The following GSPT1 variants were observed in gnomAD, a reference collection of about 807,000 sequenced individuals.
The protein encoded by GSPT1 is G1 to S phase transition 1, also known as eukaryotic peptide chain release factor GTP-binding subunit ERF3A.
A neutral mutation model predicts 72.5 loss-of-function variants in GSPT1; 20 were observed. The ratio of observed to expected loss-of-function variants is 0.28; its 90% CI spans 0.19 to 0.40. The LOEUF is 0.40. Among genes scored for constraint, GSPT1 ranks in the 10% least tolerant of loss-of-function variants. GSPT1 has a pLI of 1.00. For missense variants in GSPT1, 580 were observed against 811.9 expected, an observed-to-expected ratio of 0.71 and a Z score of 3.47; for synonymous variants, 334 against 293.5, an observed-to-expected ratio of 1.14 and a Z score of -1.41.
Position 11,915,007 on chromosome 16 carries a change from C to T in GSPT1, c.352+362G>A, listed in dbSNP as rs969165263. 8 of 1,289,514 alleles carry T rather than the reference C, an allele frequency of 6.2e-6. No individual in the cohort carries two copies. The African/African-American group carries it at 1.2e-4, about 20-fold the overall frequency. 79.9% of individuals were successfully genotyped at this position (1,289,514 alleles called of 1,614,324 possible). Reference sequence around the variant, plus strand: ...CGCCCACCCAAATGACTCCTGGCTCCATCTGTCCTCATTCTGCGCCTCGTG... The same window carrying T: ...CGCCCACCCAAATGACTCCTGGCTCTATCTGTCCTCATTCTGCGCCTCGTG... On this transcript the variant is annotated intron_variant, in intron 1 of 14. Transcript: ENST00000434724.
chr16:11,912,239 T>G (rs1430568578), intron 1 of GSPT1, among the ~76,000 whole-genome samples: 1 of 150,046 alleles, frequency 6.7e-6, no homozygotes, highest in East Asian at 2.0e-4. Flanking sequence ...TCCCAGCTAC[T>G]CGGGAGGCTG....
At chr16:11,883,405 G>T (rs945974456) in intron 10 of GSPT1, among the ~76,000 whole-genome samples, 2 of 135,386 alleles carry the variant, frequency 1.5e-5, no homozygotes, top group African/African-American at 5.6e-5. Flanking sequence ...CCTGAGGTCA[G>T]GAGTTGGAGA....
intron 6 of GSPT1, among the ~76,000 whole-genome samples, chr16:11,889,219 A>G (rs1276998770): frequency 2.0e-5 from 3 of 150,736 alleles, no homozygotes; most frequent in Non-Finnish European, 3.0e-5. Context: ...GAAGCAGGAG[A>G]ATGGTGTGAA....
At position 11,893,286 on chromosome 16, in the gene GSPT1, T is replaced by C. The variant is rs117501238; in HGVS notation, c.698+1668A>G. Among the ~76,000 whole-genome samples the C allele has an allele frequency of 1.6e-3, 243 of 152,150 alleles. 3 individuals carry two copies. In the East Asian group the frequency reaches 0.041, roughly 26 times the overall value. On this transcript the variant is annotated intron_variant, in intron 5 of 14. Transcript: ENST00000434724. ...GAGACCCTGTCTCTTAAAATAAATA[T>C]AGTTTTATTTTTATTTTTTATAGAA...
chr16:11,892,260 C>T (rs1277837670), intron 5 of GSPT1, among the ~76,000 whole-genome samples: 2 of 150,884 alleles, frequency 1.3e-5, no homozygotes, highest in Admixed American at 1.3e-4. Context: ...AGAGGATCAC[C>T]TGAGCCCAGG....
chr16:11,915,128 G>A (rs191495202), intron 1 of GSPT1: 14 of 1,107,316 alleles, frequency 1.3e-5, no homozygotes, highest in African/African-American at 1.7e-5. Flanking sequence ...GCGGAGGGGC[G>A]GCACTCGGGT....
At chr16:11,884,577 T>A (rs1167443007) in intron 10 of GSPT1, among the ~76,000 whole-genome samples, 1 of 150,110 alleles carries the variant, frequency 6.7e-6, no homozygotes, top group Non-Finnish European at 1.5e-5. Context: ...CTGGCCAACA[T>A]GGTGAAAACC....
chr16:11,913,879 C>T (rs763518198), intron 1 of GSPT1, among the ~76,000 whole-genome samples: 5 of 152,214 alleles, frequency 3.3e-5, no homozygotes, highest in South Asian at 2.1e-4. Flanking sequence ...ACCACCCACA[C>T]AAATAAATGC....
intron 1 of GSPT1, among the ~76,000 whole-genome samples, chr16:11,900,408 G>T (rs760847631): frequency 6.6e-6 from 1 of 151,788 alleles, no homozygotes; most frequent in African/African-American, 2.4e-5. Flanking sequence ...AAGGATAAAA[G>T]TACTCACAAA....
In GSPT1 at chr16:11,885,265, C is replaced by T. The variant is rs751271829; in HGVS notation, c.1263G>A (p.Pro421=). The T allele has an allele frequency of 1.1e-5, 17 of 1,519,914 alleles. No individual in the cohort carries two copies. Among genetic ancestry groups the T allele is most frequent in the East Asian group, 4.5e-5 (2 of 44,352 alleles). 94.2% of individuals were successfully genotyped at this position (1,519,914 alleles called of 1,614,324 possible). The stretch of plus-strand genomic sequence containing the variant: ...GCAAATTATCCAGATATGGAATAAA[C>T]GGTAATCCACTGAGAACATAACAAC... ...SDFCPWYIGL[P]FIPYLDNLPN... Residue 421 remains proline (P), a synonymous_variant, in exon 10 of 15, where the codon CCG becomes CCA. Coordinates refer to ENST00000434724, the MANE Select transcript of GSPT1 (RefSeq NM_002094.4).
Position 11,915,673 on chromosome 16 carries a change from C to CCGCTGCTGCTCCCG in GSPT1, c.47_48insCGGGAGCAGCAGCG (p.Ser17GlyfsTer135), listed in dbSNP as rs2054625540. ...CGCTGCTGCTGCTGCCGCTGCTGCT[C>CCGCTGCTGCTCCCG]CCGCCGCCGCCGCCGCCGCCGCCGC... On this transcript the variant is annotated frameshift_variant, in exon 1 of 15. Transcript: ENST00000434724. LOFTEE classifies it high-confidence loss of function. 2.0e-6 allele frequency: 3 copies of CCGCTGCTGCTCCCG among 1,471,902 alleles called. No individual in the cohort carries two copies. The highest frequency in any genetic ancestry group is 1.8e-6 in the Non-Finnish European group (2 of 1,116,474). The allele number at this position is 1,471,902 out of a possible 1,614,324, so 91.2% of individuals were successfully genotyped here. A position where few individuals can be genotyped will look rare whatever the true frequency, so the allele number is the denominator to read the frequency against.
Position 11,873,276 on chromosome 16 carries a change from G to A in GSPT1, c.1862-105C>T, listed in dbSNP as rs372267717. 8 of 597,810 alleles carry A rather than the reference G, an allele frequency of 1.3e-5. No homozygotes were observed. In the South Asian group the frequency reaches 1.8e-4, roughly 14 times the overall value. The allele number at this position is 597,810 out of a possible 1,614,324, so 37.0% of individuals were successfully genotyped here. A position where few individuals can be genotyped will look rare whatever the true frequency, so the allele number is the denominator to read the frequency against. On this transcript the variant is annotated intron_variant, in intron 14 of 14. Coordinates refer to ENST00000434724, the MANE Select transcript of GSPT1 (RefSeq NM_002094.4). ...CACAAAAATATTTTTTACAATGTAA[G>A]TTACTAATTAACTAGCTTTACTGCC...
chr16:11,877,693 C>T lies in GSPT1; in HGVS notation c.1429-113G>A, dbSNP rs935923960. ...AAGAGTTGCAAGATTTGACTGTAAA[C>T]ACTTATGTTTGTATGACATAAAATC... On this transcript the variant is annotated intron_variant, in intron 11 of 14. Transcript: ENST00000434724. This position sits in a 1 kb window ranked among gnomAD's most constrained non-coding sequence, Gnocchi z 4.0. 1 of 643,300 alleles carries T rather than the reference C, an allele frequency of 1.6e-6. No individual in the cohort carries two copies. The highest frequency in any genetic ancestry group is 2.6e-6 in the Non-Finnish European group (1 of 386,970). 39.8% of individuals were successfully genotyped at this position (643,300 alleles called of 1,614,324 possible). A position where few individuals can be genotyped will look rare whatever the true frequency, so the allele number is the denominator to read the frequency against.
At chr16:11,880,540 C>G (rs987586816) in intron 11 of GSPT1, among the ~76,000 whole-genome samples, 2 of 152,190 alleles carry the variant, frequency 1.3e-5, no homozygotes, top group Admixed American at 1.3e-4. Context: ...AGTGAGAGAC[C>G]CAGCCTGGTC....
In GSPT1 at chr16:11,898,043, A is replaced by C; in HGVS notation, c.353-8T>G. On this transcript the variant is annotated splice_polypyrimidine_tract_variant and splice_region_variant and intron_variant, in intron 1 of 14. Transcript: ENST00000434724. ...GAGAGGATTCCACAGGTGCTGTTTA[A>C]CAGAAAGAAGTTCTATTAAAAATTG... 6.5e-7 allele frequency: 1 copy of C among 1,529,590 alleles called. No individual in the cohort carries two copies. The highest frequency in any genetic ancestry group is 8.9e-7 in the Non-Finnish European group (1 of 1,126,824). 94.8% of individuals were successfully genotyped at this position (1,529,590 alleles called of 1,614,324 possible). A position where few individuals can be genotyped will look rare whatever the true frequency, so the allele number is the denominator to read the frequency against.
chr16:11,892,791 T>C (rs990768278), intron 5 of GSPT1, among the ~76,000 whole-genome samples: 2 of 112,402 alleles, frequency 1.8e-5, no homozygotes, highest in African/African-American at 6.9e-5. Flanking sequence ...ATCACACCAC[T>C]GCACTGCACT....
At chr16:11,873,193 A>T (rs1209223442) in intron 14 of GSPT1, 22 bp from the exon 15 acceptor site, 2 of 1,311,818 alleles carry the variant, frequency 1.5e-6, no homozygotes, top group South Asian at 2.4e-5. Flanking sequence ...ATTTTAAAAA[A>T]ATCTTTCAGT....
chr16:11,887,095 A>C (rs2054194683), intron 7 of GSPT1, 164 bp from the exon 8 acceptor site: 1 of 574,468 alleles, frequency 1.7e-6, no homozygotes, highest in Non-Finnish European at 3.0e-6. Context: ...GTCACAAATC[A>C]AACAATGTCT....
intron 13 of GSPT1, 74 bp downstream of exon 13, chr16:11,876,012 T>C: frequency 6.9e-7 from 1 of 1,450,428 alleles, no homozygotes; most frequent in Non-Finnish European, 9.7e-7. Context: ...TAAAAGTGCA[T>C]CACTGTTGCT....
Sources: allele counts gnomAD v4.1 joint callset (sites outside exome capture counted in the v4.1 genomes callset), GRCh38; gene constraint gnomAD v4.1.1; non-coding constraint Gnocchi (gnomAD v3.1); transcripts MANE v1.5; gene names NCBI Gene and HGNC (gene_info 2026-07-23, HGNC 2026-07-21).